The following TSPEAR variants were observed in gnomAD, a reference collection of about 807,000 sequenced individuals.
TSPEAR encodes the protein thrombospondin type laminin G domain and EAR repeats.
A neutral mutation model predicts 71.6 loss-of-function variants in TSPEAR; 69 were observed. That is an observed-to-expected ratio of 0.96 (90% confidence interval 0.79 to 1.18). TSPEAR has a LOEUF of 1.18. TSPEAR is among the 50% of genes most tolerant of loss of function. TSPEAR has a pLI of 0.00. For missense variants in TSPEAR, 971 were observed against 894.9 expected (o/e 1.09, Z -1.09); for synonymous variants, 402 against 387.2 (o/e 1.04, Z -0.45).
intron 2 of TSPEAR, among the ~76,000 whole-genome samples, chr21:44,549,925 G>A (rs587634209): frequency 4.6e-5 from 7 of 152,326 alleles, no homozygotes; most frequent in South Asian, 2.1e-4. Flanking sequence ...GTGAGTGTGC[G>A]CAGGAGGCCA....
intron 1 of TSPEAR, among the ~76,000 whole-genome samples, chr21:44,657,143 C>A (rs1985198530): frequency 6.6e-6 from 1 of 152,142 alleles, no homozygotes; most frequent in Admixed American, 6.5e-5. Flanking sequence ...CCCACCAGCA[C>A]CCCCATTACT....
intron 1 of TSPEAR, among the ~76,000 whole-genome samples, chr21:44,663,458 C>T (rs1227041878): frequency 7.2e-5 from 11 of 152,114 alleles, no homozygotes; most frequent in African/African-American, 2.2e-4. Context: ...GTTGAATTTT[C>T]AGTTAAAATC....
chr21:44,534,597 C>T (rs1243978102), intron 2 of TSPEAR, among the ~76,000 whole-genome samples: 1 of 152,014 alleles, frequency 6.6e-6, no homozygotes, highest in Non-Finnish European at 1.5e-5. Context: ...CAAAGGCACC[C>T]CCACACACTA....
At chr21:44,691,564 G>C (rs115323544) in intron 1 of TSPEAR, among the ~76,000 whole-genome samples, 1 of 152,138 alleles carries the variant, frequency 6.6e-6, no homozygotes, top group Non-Finnish European at 1.5e-5. Context: ...CATACAAAGA[G>C]TCCCCACATA....
At chr21:44,556,371 T>C (rs1191279892) in intron 2 of TSPEAR, among the ~76,000 whole-genome samples, 1 of 149,256 alleles carries the variant, frequency 6.7e-6, no homozygotes, top group Non-Finnish European at 1.5e-5. Context: ...TGATACCCGC[T>C]CTCAAAAAAA....
intron 1 of TSPEAR, chr21:44,600,521 A>G: frequency 7.4e-7 from 1 of 1,343,180 alleles, no homozygotes; most frequent in Non-Finnish European, 1.0e-6. Flanking sequence ...GACCAGGGAG[A>G]CATATAAAAG....
At chr21:44,578,104 G>C (rs1181943454) in intron 1 of TSPEAR, among the ~76,000 whole-genome samples, 1 of 152,214 alleles carries the variant, frequency 6.6e-6, no homozygotes, top group Non-Finnish European at 1.5e-5. Context: ...ATGTGGAACT[G>C]TGAGTCCATT....
chr21:44,642,338 C>T lies in TSPEAR; in HGVS notation c.82+69095G>A, dbSNP rs587617599. On this transcript the variant is annotated intron_variant, in intron 1 of 11. Transcript: ENST00000323084. The surrounding 1 kb of genome is among the most constrained non-coding windows in gnomAD (Gnocchi z 4.1). ...CTTTTCTGTGATACTTGAAATATTC[C>T]AGAGATCAGAAGAAGCCAGAGGTCC... is the stretch of plus-strand genomic sequence containing the variant. 2.6e-5 allele frequency among the ~76,000 whole-genome samples: 4 copies of T among 152,168 alleles called. No individual in the cohort carries two copies. Among genetic ancestry groups the T allele is most frequent in the African/African-American group, 7.2e-5 (3 of 41,506 alleles).
intron 2 of TSPEAR, among the ~76,000 whole-genome samples, chr21:44,544,729 G>A (rs1201983940): frequency 4.6e-5 from 7 of 152,116 alleles, no homozygotes; most frequent in African/African-American, 1.7e-4. Flanking sequence ...GGACATGATG[G>A]CCTGGTGGGG....
At position 44,558,349 on chromosome 21, in the gene TSPEAR, T is replaced by C. The variant is rs587619630; in HGVS notation, c.303+9436A>G. The C allele has an allele frequency of 9.3e-6, 15 of 1,612,130 alleles. No individual in the cohort carries two copies. The African/African-American group carries it at 2.0e-4, about 22-fold the overall frequency. Reference sequence around the variant, plus strand: ...CCAGAGCAGACGGGCACACAGCAGATGGGCTTGCAGCAGACAGGCTTGCAG... The same window carrying C: ...CCAGAGCAGACGGGCACACAGCAGACGGGCTTGCAGCAGACAGGCTTGCAG... On this transcript the variant is annotated intron_variant, in intron 2 of 11. Coordinates refer to ENST00000323084, the MANE Select transcript of TSPEAR (RefSeq NM_144991.3).
chr21:44,602,758 G>A (rs1981048454), intron 1 of TSPEAR, among the ~76,000 whole-genome samples: 1 of 152,160 alleles, frequency 6.6e-6, no homozygotes, highest in South Asian at 2.1e-4. Context: ...TGCTTGCAGA[G>A]GAGTGAGGCG....
chr21:44,595,900 C>T lies in TSPEAR; in HGVS notation c.83-27895G>A, dbSNP rs587605626. On this transcript the variant is annotated intron_variant, in intron 1 of 11. Transcript: ENST00000323084. ...TACATAATGATCTCTGTCTTGTTTA[C>T]AGCTGCATAGAATTCCATGTGGTCT... Among the ~76,000 whole-genome samples, 30 of 152,314 alleles carry T rather than the reference C, an allele frequency of 2.0e-4. No individual in the cohort carries two copies. The South Asian group carries it at 6.2e-3, about 32-fold the overall frequency.
intron 10 of TSPEAR, 35 bp from the exon 11 acceptor site, chr21:44,504,916 C>T (rs1555911718): frequency 1.3e-6 from 2 of 1,535,344 alleles, no homozygotes; most frequent in Admixed American, 1.7e-5. Context: ...TAGGACACAA[C>T]AGACATCGCC....
intron 11 of TSPEAR, among the ~76,000 whole-genome samples, chr21:44,502,711 C>T (rs2052057522): frequency 1.3e-5 from 2 of 152,274 alleles, no homozygotes; most frequent in Non-Finnish European, 2.9e-5. Context: ...GCAGCCAGCG[C>T]CGGGCCATCC....
Position 44,509,246 on chromosome 21 carries a change from GT to G in TSPEAR, c.1706del (p.Asn569ThrfsTer2). On this transcript the variant is annotated frameshift_variant, in exon 10 of 12. Transcript: ENST00000323084. LOFTEE classifies it high-confidence loss of function. Reference sequence around the variant, plus strand: ...ACTTGACAAAGGCCTGCGCGGTCACGTTCAGCTCGTAGATGACGGAGTTGAT... The same window carrying G: ...ACTTGACAAAGGCCTGCGCGGTCACGTCAGCTCGTAGATGACGGAGTTGAT... ...YVINSVIYEL[N>X]VTAQAFVKFQ... is the part of the protein sequence containing the mutation. 6.2e-7 allele frequency: 1 copy of G among 1,614,056 alleles called. No homozygotes were observed. Among genetic ancestry groups the G allele is most frequent in the South Asian group, 1.1e-5 (1 of 91,076 alleles).
At chr21:44,507,111 A>G (rs1421835998) in intron 10 of TSPEAR, 1 of 152,220 alleles carries the variant, frequency 6.6e-6, no homozygotes, top group South Asian at 2.1e-4. Flanking sequence ...TACAGAGGCC[A>G]CGGCTCTACG....
intron 9 of TSPEAR, chr21:44,518,923 G>A (rs1439250867): frequency 4.0e-6 from 1 of 251,688 alleles, no homozygotes; most frequent in Admixed American, 4.8e-5. Flanking sequence ...GGAGCCCCGG[G>A]TGTTTCCACG....
At chr21:44,569,937 T>G (rs1462341800) in intron 1 of TSPEAR, among the ~76,000 whole-genome samples, 2 of 152,116 alleles carry the variant, frequency 1.3e-5, no homozygotes, top group Admixed American at 6.5e-5. Context: ...AGACTCCACA[T>G]ACTGTGGCGT....
At chr21:44,639,782 C>T (rs1204717835) in intron 1 of TSPEAR, among the ~76,000 whole-genome samples, 1 of 152,150 alleles carries the variant, frequency 6.6e-6, no homozygotes, top group African/African-American at 2.4e-5. Context: ...GGGGCTGGCT[C>T]TCTGACCTCC....
Sources: gnomAD v4.1 joint callset for allele counts (sites outside exome capture counted in the v4.1 genomes callset) on GRCh38, gnomAD v4.1.1 for gene constraint, Gnocchi (gnomAD v3.1) non-coding constraint, MANE v1.5 for transcripts, NCBI Gene and HGNC (gene_info 2026-07-23, HGNC 2026-07-21) for gene names.